The following UBE3D variants were observed in gnomAD, a reference collection of about 807,000 sequenced individuals.
The protein encoded by UBE3D is ubiquitin protein ligase E3D.
UBE3D carries 48 observed loss-of-function variants against 49.6 expected under a neutral mutation model. That is an observed-to-expected ratio of 0.97 (90% CI 0.77 to 1.23). UBE3D has a LOEUF of 1.23. UBE3D is among the 50% of genes most tolerant of loss of function. UBE3D has a pLI of 0.00. For missense variants in UBE3D, 452 were observed against 468.4 expected, an observed-to-expected ratio of 0.96 and a Z score of 0.32; for synonymous variants, 189 against 174.2, an observed-to-expected ratio of 1.08 and a Z score of -0.67.
At chr6:83,048,560 A>C (rs1296088182) in intron 3 of UBE3D, among the ~76,000 whole-genome samples, 3 of 152,230 alleles carry the variant, frequency 2.0e-5, no homozygotes, top group Non-Finnish European at 4.4e-5. Flanking sequence ...ATTTACAGAG[A>C]TCTGGGAGAC....
intron 8 of UBE3D, among the ~76,000 whole-genome samples, chr6:83,014,913 A>C (rs976823607): frequency 1.3e-5 from 2 of 152,206 alleles, no homozygotes; most frequent in African/African-American, 4.8e-5. Context: ...ATATAAATTA[A>C]GTAGGAATGC....
chr6:82,959,189 C>A (rs953713271), intron 8 of UBE3D, among the ~76,000 whole-genome samples: 1 of 151,124 alleles, frequency 6.6e-6, no homozygotes, highest in African/African-American at 2.4e-5. Context: ...AAATTTTAAT[C>A]TTTACATACA....
At chr6:82,930,615 G>A (rs1297008997) in intron 9 of UBE3D, among the ~76,000 whole-genome samples, 1 of 152,116 alleles carries the variant, frequency 6.6e-6, no homozygotes, top group East Asian at 1.9e-4. Context: ...TGAAGATGAG[G>A]AACTTCTTGG....
intron 9 of UBE3D, among the ~76,000 whole-genome samples, chr6:82,900,916 C>G (rs967828716): frequency 1.4e-4 from 22 of 152,126 alleles, no homozygotes; most frequent in Non-Finnish European, 2.9e-4. Flanking sequence ...TCAACAAGTT[C>G]TTTATTGCAA....
At chr6:83,051,550 T>A (rs190144855) in intron 3 of UBE3D, among the ~76,000 whole-genome samples, 1 of 152,330 alleles carries the variant, frequency 6.6e-6, no homozygotes. Flanking sequence ...CAACTGTAAC[T>A]TCTAGGAATC....
intron 9 of UBE3D, among the ~76,000 whole-genome samples, chr6:82,918,048 T>C (rs1408310260): frequency 6.6e-6 from 1 of 152,202 alleles, no homozygotes; most frequent in East Asian, 1.9e-4. Context: ...CTTTCTTTGC[T>C]AAATTTGTCT....
chr6:83,055,033 G>T (rs1783725777), intron 2 of UBE3D, among the ~76,000 whole-genome samples: 1 of 152,182 alleles, frequency 6.6e-6, no homozygotes, highest in Non-Finnish European at 1.5e-5. Flanking sequence ...TCAAACTAAT[G>T]TTTATTGGAC....
At chr6:83,002,793 G>A (rs1294307285) in intron 8 of UBE3D, among the ~76,000 whole-genome samples, 1 of 152,206 alleles carries the variant, frequency 6.6e-6, no homozygotes, top group Non-Finnish European at 1.5e-5. Context: ...AGCAGACATG[G>A]GGCCCTCACC....
intron 3 of UBE3D, among the ~76,000 whole-genome samples, chr6:83,050,674 G>A (rs775554603): frequency 3.3e-5 from 5 of 152,170 alleles, no homozygotes; most frequent in African/African-American, 7.2e-5. Context: ...AGATAACTGC[G>A]GGAGAAATAA....
chr6:82,953,450 A>T (rs759489208), intron 9 of UBE3D, among the ~76,000 whole-genome samples: 1 of 152,146 alleles, frequency 6.6e-6, no homozygotes, highest in Non-Finnish European at 1.5e-5. Context: ...ACATATCTTA[A>T]ATCCAGACCT....
At chr6:82,927,230 C>T (rs1286486826) in intron 9 of UBE3D, among the ~76,000 whole-genome samples, 3 of 149,894 alleles carry the variant, frequency 2.0e-5, no homozygotes, top group Middle Eastern at 3.4e-3. Context: ...TTTTTTTCCC[C>T]CACCAATACC....
At chr6:82,885,881 T>C in the UBE3D span, among the ~76,000 whole-genome samples, 2 of 152,158 alleles carry the variant, frequency 1.3e-5, no homozygotes, top group African/African-American at 4.8e-5. Flanking sequence ...ATTCTTCCCA[T>C]CTTTCCAAAT....
intron 9 of UBE3D, among the ~76,000 whole-genome samples, chr6:82,896,714 G>A (rs1256264145): frequency 6.6e-6 from 1 of 151,444 alleles, no homozygotes; most frequent in Non-Finnish European, 1.5e-5. Flanking sequence ...TCTCAACATT[G>A]ATTTAGAACT....
intron 8 of UBE3D, among the ~76,000 whole-genome samples, chr6:83,016,523 C>T (rs1780709809): frequency 6.6e-6 from 1 of 152,064 alleles, no homozygotes; most frequent in South Asian, 2.1e-4. Context: ...CCTTAATATT[C>T]TGTTCCTCTA....
intron 4 of UBE3D, among the ~76,000 whole-genome samples, chr6:83,040,918 A>C (rs1355295436): frequency 6.6e-6 from 1 of 152,242 alleles, no homozygotes; most frequent in Non-Finnish European, 1.5e-5. Flanking sequence ...GTGCCAATTT[A>C]TTCAGGTCCA....
intron 9 of UBE3D, among the ~76,000 whole-genome samples, chr6:82,950,063 A>C (rs1775675121): frequency 6.6e-6 from 1 of 152,170 alleles, no homozygotes. Flanking sequence ...AACAATCAAC[A>C]AAGTGAAGAG....
At chr6:82,881,066 G>T in the UBE3D span, among the ~76,000 whole-genome samples, 1 of 152,132 alleles carries the variant, frequency 6.6e-6, no homozygotes, top group Non-Finnish European at 1.5e-5. Flanking sequence ...CTCATTGAGG[G>T]TTCAGATTTC....
chr6:83,021,612 A>T (rs1446510888), intron 7 of UBE3D, among the ~76,000 whole-genome samples: 1 of 151,768 alleles, frequency 6.6e-6, no homozygotes, highest in African/African-American at 2.4e-5. Context: ...CATGCCTGTA[A>T]TCCCAGCATT....
intron 5 of UBE3D, among the ~76,000 whole-genome samples, chr6:83,027,449 A>AAAAAAAAAAAAAAAAAAC (rs1781554351): frequency 6.8e-6 from 1 of 147,202 alleles, no homozygotes; most frequent in Non-Finnish European, 1.5e-5. Context: ...AAAAAAAAAA[A>AAAAAAAAAAAAAAAAAAC]AAAAAAAAAA....
Sources: allele counts gnomAD v4.1 joint callset (sites outside exome capture counted in the v4.1 genomes callset), GRCh38; gene constraint gnomAD v4.1.1; transcripts MANE v1.5; gene names NCBI Gene and HGNC (gene_info 2026-07-23, HGNC 2026-07-21).